The following FRAS1 variants were observed in gnomAD, a reference collection of about 807,000 sequenced individuals.
FRAS1 encodes the protein Fraser extracellular matrix complex subunit 1.
In FRAS1, 290 loss-of-function variants were observed where a neutral mutation model predicts 435.2. That is an observed-to-expected ratio of 0.67 (90% confidence interval 0.61 to 0.73). The LOEUF is 0.73. Among genes scored for constraint, FRAS1 ranks in the 30% least tolerant of loss-of-function variants. The pLI is 0.00. For missense variants in FRAS1, 4,860 were observed against 5,001.5 expected, an observed-to-expected ratio of 0.97 and a Z score of 0.85; for synonymous variants, 1,800 against 1,851.0, an observed-to-expected ratio of 0.97 and a Z score of 0.71.
intron 2 of FRAS1, among the ~76,000 whole-genome samples, chr4:78,116,478 G>T (rs569251572): frequency 2.6e-5 from 4 of 152,232 alleles, no homozygotes; most frequent in East Asian, 1.9e-4. Context: ...TCTCTTTGTA[G>T]GTCTCTAAGG....
chr4:78,251,782 G>C (rs1034207978), intron 4 of FRAS1, among the ~76,000 whole-genome samples: 20 of 152,232 alleles, frequency 1.3e-4, no homozygotes, highest in African/African-American at 3.9e-4. Context: ...GAAGGGCTGA[G>C]CTGGGATCTG....
At chr4:78,179,081 A>G (rs2110047782) in intron 2 of FRAS1, among the ~76,000 whole-genome samples, 1 of 152,344 alleles carries the variant, frequency 6.6e-6, no homozygotes, top group South Asian at 2.1e-4. Context: ...CGTATCAGGA[A>G]AGTGTATAGG....
In FRAS1 at chr4:78,450,355, T is replaced by A; in HGVS notation, c.6463+16T>A. On this transcript the variant is annotated intron_variant, in intron 45 of 73. Coordinates refer to ENST00000512123, the MANE Select transcript of FRAS1 (RefSeq NM_025074.7). The stretch of plus-strand genomic sequence containing the variant: ...ATTAGCCAAGGTCAGCCAGTTCTCT[T>A]CTGCCTACCAGGCTTCCGTGGACTG... 6.2e-7 allele frequency: 1 copy of A among 1,611,842 alleles called. No individual in the cohort carries two copies. Among genetic ancestry groups the A allele is most frequent in the Non-Finnish European group, 8.5e-7 (1 of 1,177,984 alleles).
intron 47 of FRAS1, among the ~76,000 whole-genome samples, chr4:78,458,162 G>A (rs1159365968): frequency 6.6e-6 from 1 of 152,112 alleles, no homozygotes; most frequent in Non-Finnish European, 1.5e-5. Flanking sequence ...TGAGCTGCAG[G>A]ATAGTTAAAC....
At position 78,282,828 on chromosome 4, in the gene FRAS1, G is replaced by A. The variant is rs1727394852; in HGVS notation, c.1116G>A (p.Glu372=). The change falls in exon 12 of 74, where the codon GAG becomes GAA. Residue 372 remains glutamate (E), a synonymous_variant. Transcript: ENST00000512123. The part of the protein sequence containing the change: ...ASEVKRIPEG[E]KWEDGPCKVC... ...TTCACTTTTTTGCGTAGGAGGGAGA[G>A]AAGTGGGAAGATGGCCCTTGCAAGG... The A allele has an allele frequency of 6.2e-7, 1 of 1,613,370 alleles. No individual in the cohort carries two copies. Among genetic ancestry groups the A allele is most frequent in the East Asian group, 2.2e-5 (1 of 44,850 alleles).
At chr4:78,086,538 T>C (rs2109887174) in intron 2 of FRAS1, among the ~76,000 whole-genome samples, 1 of 151,610 alleles carries the variant, frequency 6.6e-6, no homozygotes, top group East Asian at 1.9e-4. Context: ...TCAAGACTAA[T>C]AAAGAAGAAA....
Position 78,542,534 on chromosome 4 carries a change from C to G in FRAS1, c.*1410C>G, listed in dbSNP as rs1239738415. ...CATAGTCACCAAGCAAATAACAGAG[C>G]CTTCACATTGTGTAATATTTGTATG... On this transcript the variant is annotated 3_prime_UTR_variant, in exon 74 of 74. Transcript: ENST00000512123. 6.6e-6 allele frequency: 1 copy of G among 152,628 alleles called. No homozygotes were observed. The highest frequency in any genetic ancestry group is 2.4e-5 in the African/African-American group (1 of 41,442). The allele number at this position is 152,628 out of a possible 1,614,324, so 9.5% of individuals were successfully genotyped here.
chr4:78,280,556 G>A (rs1318648030), intron 10 of FRAS1, among the ~76,000 whole-genome samples: 2 of 151,152 alleles, frequency 1.3e-5, no homozygotes, highest in African/African-American at 4.9e-5. Context: ...TAAGGAGTTT[G>A]ACTGGTAAAC....
chr4:78,290,665 G>T (rs1727847095), intron 14 of FRAS1, among the ~76,000 whole-genome samples: 1 of 151,962 alleles, frequency 6.6e-6, no homozygotes, highest in Admixed American at 6.6e-5. Context: ...AGCCAGGCTG[G>T]TGTCGAACTC....
Position 78,286,412 on chromosome 4 carries a change from GC to G in FRAS1, c.1411del (p.Gln471SerfsTer19). 1 of 1,613,450 alleles carries G rather than the reference GC, an allele frequency of 6.2e-7. No homozygotes were observed. The highest frequency in any genetic ancestry group is 8.5e-7 in the Non-Finnish European group (1 of 1,179,882). ...AACATTATCTGGAGTCAGCCTGCCA[GC>G]CCCAGTGCTCCACGTGTACCAGTGG... The part of the protein sequence containing the change: ...QAGSLCLACQ[P>X]QCSTCTSGLE... On this transcript the variant is annotated frameshift_variant, in exon 14 of 74. Transcript: ENST00000512123. LOFTEE classifies it high-confidence loss of function.
At chr4:78,224,371 A>G (rs188177216) in intron 2 of FRAS1, among the ~76,000 whole-genome samples, 198 of 152,342 alleles carry the variant, frequency 1.3e-3, no homozygotes, top group African/African-American at 4.5e-3. Context: ...TAACTACTTC[A>G]TAGTATTTTT....
intron 2 of FRAS1, 107 bp from the exon 3 acceptor site, chr4:78,237,403 T>C (rs1043177163): frequency 1.3e-4 from 95 of 738,656 alleles, no homozygotes; most frequent in Non-Finnish European, 2.1e-4. Context: ...CTGTGACTTT[T>C]CTTTGTCTTG....
Position 78,379,758 on chromosome 4 carries a change from G to A in FRAS1, c.3325G>A (p.Gly1109Ser). Reference sequence around the variant, plus strand: ...ACACACCCCTAGTCTTCATGTGAATGGTTCCCTGATCCTCCCAATTGGTTC... The same window carrying A: ...ACACACCCCTAGTCTTCATGTGAATAGTTCCCTGATCCTCCCAATTGGTTC... ...KIHTPSLHVNGSLILPIGSIK... is the reference protein window; with the variant it reads ...KIHTPSLHVNSSLILPIGSIK... The change falls in exon 27 of 74, where the codon GGT becomes AGT. Residue 1109 changes from glycine (G) to serine (S), a missense_variant. By Grantham distance (56) the Gly-to-Ser change is moderately conservative (BLOSUM62 0). Transcript: ENST00000512123. The A allele has an allele frequency of 3.1e-6, 5 of 1,613,594 alleles. No individual in the cohort carries two copies. The highest frequency in any genetic ancestry group is 4.2e-6 in the Non-Finnish European group (5 of 1,179,770).
chr4:78,203,431 G>A (rs1426160380), intron 2 of FRAS1, among the ~76,000 whole-genome samples: 1 of 152,062 alleles, frequency 6.6e-6, no homozygotes, highest in Non-Finnish European at 1.5e-5. Flanking sequence ...GCACTTTTGT[G>A]GCCATTTTTG....
At chr4:78,088,831 G>T (rs1578115701) in intron 2 of FRAS1, among the ~76,000 whole-genome samples, 3 of 152,256 alleles carry the variant, frequency 2.0e-5, no homozygotes, top group East Asian at 3.9e-4. Context: ...ACTGTTGGTG[G>T]GACTGTAAAC....
At chr4:78,109,528 A>C (rs1446475345) in intron 2 of FRAS1, among the ~76,000 whole-genome samples, 1 of 147,058 alleles carries the variant, frequency 6.8e-6, no homozygotes, top group African/African-American at 2.5e-5. Context: ...ATGCAGAAAA[A>C]GCCTTTGACA....
chr4:78,402,334 T>A (rs1732924420), intron 30 of FRAS1, among the ~76,000 whole-genome samples: 1 of 152,032 alleles, frequency 6.6e-6, no homozygotes, highest in African/African-American at 2.4e-5. Flanking sequence ...AAAATTAACT[T>A]TTATTTAATT....
chr4:78,333,160 G>C, intron 18 of FRAS1, 112 bp from the exon 19 acceptor site: 1 of 1,236,276 alleles, frequency 8.1e-7, no homozygotes, highest in Middle Eastern at 2.9e-4. Flanking sequence ...GGAAAACCAA[G>C]TGAATGTACA....
chr4:78,121,166 G>A (rs1718996554), intron 2 of FRAS1, among the ~76,000 whole-genome samples: 1 of 152,246 alleles, frequency 6.6e-6, no homozygotes, highest in South Asian at 2.1e-4. Flanking sequence ...AGCCTGATAT[G>A]ACCTTTCTCC....
Sources: gnomAD v4.1 joint callset for allele counts (sites outside exome capture counted in the v4.1 genomes callset) on GRCh38, gnomAD v4.1.1 for gene constraint, MANE v1.5 for transcripts, NCBI Gene and HGNC (gene_info 2026-07-23, HGNC 2026-07-21) for gene names.